MAGI2: variants seen among roughly 807,000 people sequenced by gnomAD.
MAGI2 encodes the protein membrane-associated guanylate kinase, WW and PDZ domain-containing protein 2.
A neutral mutation model predicts 133.3 loss-of-function variants in MAGI2; 35 were observed. The observed-to-expected ratio is 0.26, with a 90% CI of 0.20 to 0.35. MAGI2 has a LOEUF of 0.35. Ranked by LOEUF, MAGI2 falls within the 10% of genes least tolerant of loss-of-function variation. The pLI, the probability that MAGI2 is intolerant of heterozygous loss-of-function variation, is 1.00. For missense variants in MAGI2, 1,636 were observed against 1,863.4 expected, an observed-to-expected ratio of 0.88 and a Z score of 2.25; for synonymous variants, 729 against 710.6, an observed-to-expected ratio of 1.03 and a Z score of -0.41.
intron 2 of MAGI2, among the ~76,000 whole-genome samples, chr7:78,698,565 A>T (rs1347635559): frequency 6.6e-6 from 1 of 152,186 alleles, no homozygotes; most frequent in African/African-American, 2.4e-5. Flanking sequence ...CTTATATACT[A>T]TCCTGATAGA....
chr7:79,289,883 T>A (rs12111981), intron 1 of MAGI2, among the ~76,000 whole-genome samples: 83,421 of 151,140 alleles, frequency 0.55, 25,592 homozygotes, highest in Non-Finnish European at 0.68. Flanking sequence ...TAAAAAAAAA[T>A]TTAAAAAATA....
chr7:79,261,452 C>A (rs2129556445), intron 1 of MAGI2, among the ~76,000 whole-genome samples: 1 of 152,304 alleles, frequency 6.6e-6, no homozygotes, highest in South Asian at 2.1e-4. Context: ...TAGTTCAAGC[C>A]TAAGGTTAGT....
chr7:79,197,098 C>T (rs977897594), intron 1 of MAGI2, among the ~76,000 whole-genome samples: 4 of 151,650 alleles, frequency 2.6e-5, no homozygotes, highest in African/African-American at 9.7e-5. Flanking sequence ...TTGTTTTTTA[C>T]ATCAAAAGCC....
At chr7:79,123,882 T>C (rs529892598) in intron 1 of MAGI2, among the ~76,000 whole-genome samples, 1 of 151,824 alleles carries the variant, frequency 6.6e-6, no homozygotes, top group South Asian at 2.1e-4. Context: ...ACTATTTTAC[T>C]CGTTCTTTTA....
chr7:79,046,116 A>C (rs1812160906), intron 1 of MAGI2, among the ~76,000 whole-genome samples: 1 of 152,158 alleles, frequency 6.6e-6, no homozygotes, highest in African/African-American at 2.4e-5. Flanking sequence ...AGATAGCTTA[A>C]TATGTTTGAT....
At chr7:78,236,812 T>G (rs1433925968) in intron 10 of MAGI2, among the ~76,000 whole-genome samples, 1 of 152,188 alleles carries the variant, frequency 6.6e-6, no homozygotes, top group Non-Finnish European at 1.5e-5. Context: ...ACTGGGTAAT[T>G]TATAAAGAAA....
At chr7:78,528,334 C>T (rs182264559) in intron 3 of MAGI2, among the ~76,000 whole-genome samples, 2 of 152,206 alleles carry the variant, frequency 1.3e-5, no homozygotes, top group East Asian at 3.9e-4. Flanking sequence ...TGTAAGTAAA[C>T]AATCATTTTA....
At chr7:78,330,597 G>A (rs1789073134) in intron 9 of MAGI2, among the ~76,000 whole-genome samples, 1 of 117,230 alleles carries the variant, frequency 8.5e-6, no homozygotes. Flanking sequence ...CAGCCTGGGC[G>A]ACAGCGAGAC....
At chr7:78,456,133 C>G (rs1393038645) in intron 6 of MAGI2, among the ~76,000 whole-genome samples, 1 of 151,626 alleles carries the variant, frequency 6.6e-6, no homozygotes, top group Admixed American at 6.6e-5. Context: ...GAAGATGCAA[C>G]AAGCCAGGAG....
chr7:78,501,877 C>CATG, intron 4 of MAGI2, 90 bp from the exon 5 acceptor site: 1 of 892,340 alleles, frequency 1.1e-6, no homozygotes, highest in East Asian at 2.6e-5. Context: ...GAATAAACGT[C>CATG]ATGAATAACT....
intron 20 of MAGI2, among the ~76,000 whole-genome samples, chr7:78,108,688 G>GTTCTC (rs1818965350): frequency 8.1e-6 from 1 of 123,440 alleles, no homozygotes; most frequent in African/African-American, 2.6e-5. Flanking sequence ...ATATATGTGA[G>GTTCTC]TGTATACACA....
At chr7:79,055,993 G>A (rs566387548) in intron 1 of MAGI2, among the ~76,000 whole-genome samples, 1 of 152,136 alleles carries the variant, frequency 6.6e-6, no homozygotes, top group African/African-American at 2.4e-5. Context: ...TTAGACAAAA[G>A]AAACAGGTAA....
At position 78,699,136 on chromosome 7, in the gene MAGI2, G is replaced by A. The variant is rs148165069; in HGVS notation, c.419-71897C>T. ...GCTGCTGTTGTTGTTTTGAATCAGG[G>A]TCTCACTCTGTCACCCAGGCTGGAG... On this transcript the variant is annotated intron_variant, in intron 2 of 21. Transcript: ENST00000354212. 3.5e-3 allele frequency among the ~76,000 whole-genome samples: 536 copies of A among 152,244 alleles called. 6 individuals carry two copies. Among genetic ancestry groups the A allele is most frequent in the African/African-American group, 0.012 (501 of 41,560 alleles).
intron 2 of MAGI2, among the ~76,000 whole-genome samples, chr7:78,668,279 G>C (rs866836463): frequency 1.9e-4 from 29 of 151,670 alleles, no homozygotes; most frequent in African/African-American, 7.1e-4. Context: ...GTTCATTGTA[G>C]ATTCTGGATA....
chr7:78,443,406 C>T (rs1314906568), intron 6 of MAGI2, among the ~76,000 whole-genome samples: 8 of 152,076 alleles, frequency 5.3e-5, no homozygotes, highest in African/African-American at 1.9e-4. Context: ...CTTGGTCATC[C>T]TTTCTTCTCA....
chr7:79,323,777 A>G (rs949331631), intron 1 of MAGI2, among the ~76,000 whole-genome samples: 5 of 152,170 alleles, frequency 3.3e-5, no homozygotes, highest in Admixed American at 6.5e-5. Flanking sequence ...GTGAGAAATG[A>G]TGAATGACCA....
At chr7:79,178,669 G>A (rs1007837910) in intron 1 of MAGI2, among the ~76,000 whole-genome samples, 3 of 151,124 alleles carry the variant, frequency 2.0e-5, no homozygotes, top group Non-Finnish European at 2.9e-5. Context: ...CCGAGATCAC[G>A]CCACTGCACT....
At chr7:79,143,992 A>T (rs552581097) in intron 1 of MAGI2, among the ~76,000 whole-genome samples, 2 of 152,178 alleles carry the variant, frequency 1.3e-5, no homozygotes. Context: ...ACCTAAAAAT[A>T]ACAAAATTAG....
chr7:78,518,502 T>C (rs1796224388), intron 4 of MAGI2: 1 of 152,176 alleles, frequency 6.6e-6, no homozygotes, highest in Non-Finnish European at 1.5e-5. Context: ...GTTAGGCCAC[T>C]CCTAAAGCAT....
Sources: gnomAD v4.1 joint callset for allele counts (sites outside exome capture counted in the v4.1 genomes callset) on GRCh38, gnomAD v4.1.1 for gene constraint, MANE v1.5 for transcripts, NCBI Gene and HGNC (gene_info 2026-07-23, HGNC 2026-07-21) for gene names.